Variants in PITPNM2 observed in about 807,000 individuals in gnomAD.
The protein encoded by PITPNM2 is phosphatidylinositol transfer protein membrane associated 2.
Under a neutral mutation model 132.2 loss-of-function variants are expected in PITPNM2, and 35 were observed. The observed-to-expected ratio is 0.26, with a 90% CI of 0.20 to 0.35. The LOEUF (loss-of-function observed/expected upper bound fraction) is 0.35, where lower values mean the gene tolerates loss of function less well. PITPNM2 is among the 10% of genes least tolerant of loss of function. PITPNM2 has a pLI of 1.00. For synonymous variants in PITPNM2, 738 were observed against 799.2 expected (o/e 0.92, Z 1.29); for missense variants, 1,332 against 1,912.0 (o/e 0.70, Z 5.66).
intron 3 of PITPNM2, among the ~76,000 whole-genome samples, chr12:123,014,658 C>T (rs1416060859): frequency 2.0e-5 from 3 of 152,272 alleles, no homozygotes; most frequent in South Asian, 2.1e-4. Context: ...GCTGAGATCA[C>T]GCCTCTGCAC....
chr12:123,119,035 T>C (rs2042983645), intron 1 of PITPNM2, among the ~76,000 whole-genome samples: 1 of 152,176 alleles, frequency 6.6e-6, no homozygotes, highest in Non-Finnish European at 1.5e-5. Flanking sequence ...GGGGCAGAGA[T>C]CTCCAGCTCC....
In PITPNM2 at chr12:123,008,290, G is replaced by A. The variant is rs2039026756; in HGVS notation, c.643+1560C>T. The stretch of plus-strand genomic sequence containing the variant: ...CCAAGCAGACCCACAGAGCCAGAGT[G>A]CCAGGAGCTGCAGCCTTAGTAGGTC... On this transcript the variant is annotated intron_variant, in intron 6 of 25. Transcript: ENST00000320201. The surrounding 1 kb of genome is among the most constrained non-coding windows in gnomAD (Gnocchi z 4.1). Among the ~76,000 whole-genome samples, 1 of 152,220 alleles carries A rather than the reference G, an allele frequency of 6.6e-6. No individual in the cohort carries two copies. The highest frequency in any genetic ancestry group is 2.1e-4 in the South Asian group (1 of 4,834).
At chr12:123,112,543 T>C (rs2042859618) in intron 1 of PITPNM2, among the ~76,000 whole-genome samples, 1 of 151,074 alleles carries the variant, frequency 6.6e-6, no homozygotes, top group Non-Finnish European at 1.5e-5. Context: ...ATATACTTTT[T>C]TTTTTTTTTT....
At chr12:123,046,132 T>G (rs2040647019) in intron 2 of PITPNM2, among the ~76,000 whole-genome samples, 1 of 152,110 alleles carries the variant, frequency 6.6e-6, no homozygotes, top group African/African-American at 2.4e-5. Flanking sequence ...CCCCTCATCC[T>G]TCATGCATCC....
At position 123,083,462 on chromosome 12, in the gene PITPNM2, G is replaced by T; in HGVS notation, c.-96+26923C>A. The T allele has an allele frequency of 6.6e-6, 1 of 152,334 alleles. No individual in the cohort carries two copies. The allele number at this position is 152,334 out of a possible 1,614,324, so 9.4% of individuals were successfully genotyped here. A position where few individuals can be genotyped will look rare whatever the true frequency, so the allele number is the denominator to read the frequency against. ...AGACTAACTCCTGGTCCCACCCTAC[G>T]GCTTTGGAACTGAAGCCACAGGCCT... On this transcript the variant is annotated intron_variant, in intron 2 of 25. Coordinates refer to ENST00000320201, the MANE Select transcript of PITPNM2 (RefSeq NM_020845.3). The surrounding 1 kb of genome is among the most constrained non-coding windows in gnomAD (Gnocchi z 4.5).
chr12:123,116,743 A>C (rs1172307223), intron 1 of PITPNM2, among the ~76,000 whole-genome samples: 3 of 151,888 alleles, frequency 2.0e-5, no homozygotes, highest in Non-Finnish European at 2.9e-5. Context: ...GGGAAGCTGA[A>C]GCCAGGTAAG....
intron 1 of PITPNM2, among the ~76,000 whole-genome samples, chr12:123,128,372 G>A (rs1593030360): frequency 6.8e-6 from 1 of 146,442 alleles, no homozygotes; most frequent in East Asian, 2.0e-4. Flanking sequence ...AGCACAGGAG[G>A]TGGAGGTTGC....
At position 123,005,614 on chromosome 12, in the gene PITPNM2, G is replaced by C; in HGVS notation, c.644-66C>G. On this transcript the variant is annotated intron_variant, in intron 6 of 25. Transcript: ENST00000320201. The surrounding 1 kb of genome is among the most constrained non-coding windows in gnomAD (Gnocchi z 6.2). ...GGAGGTCAGCGCAGGAGCCTGCACG[G>C]AAGTGTGGGGCCCAGGCAGGGGCTT... The C allele has an allele frequency of 6.7e-7, 1 of 1,499,630 alleles. No homozygotes were observed. The highest frequency in any genetic ancestry group is 9.1e-7 in the Non-Finnish European group (1 of 1,104,542). 92.9% of individuals were successfully genotyped at this position (1,499,630 alleles called of 1,614,324 possible). A position where few individuals can be genotyped will look rare whatever the true frequency, so the allele number is the denominator to read the frequency against.
chr12:122,986,399 GC>G, intron 25 of PITPNM2, 36 bp downstream of exon 25: 1 of 1,565,204 alleles, frequency 6.4e-7, no homozygotes, highest in Non-Finnish European at 8.7e-7. Context: ...TCCCCGAGCT[GC>G]CCGCCTGCAC....
chr12:123,029,472 G>C (rs2039991804), intron 3 of PITPNM2, among the ~76,000 whole-genome samples: 1 of 152,218 alleles, frequency 6.6e-6, no homozygotes, highest in Non-Finnish European at 1.5e-5. Flanking sequence ...TGTAATCCCA[G>C]CTACTGGGGA....
Position 123,106,915 on chromosome 12 carries a change from A to G in PITPNM2, c.-96+3470T>C, listed in dbSNP as rs1348119213. On this transcript the variant is annotated intron_variant, in intron 2 of 25. Transcript: ENST00000320201. The surrounding 1 kb of genome is among the most constrained non-coding windows in gnomAD (Gnocchi z 4.4). ...CAGGCCTGCATTCCCATGTGGGACT[A>G]GGGCTGCCTGAGAGGAGGGACTAGG... Among the ~76,000 whole-genome samples, 4 of 152,370 alleles carry G rather than the reference A, an allele frequency of 2.6e-5. No homozygotes were observed. Among genetic ancestry groups the G allele is most frequent in the East Asian group, 3.9e-4 (2 of 5,192 alleles).
intron 2 of PITPNM2, among the ~76,000 whole-genome samples, chr12:123,063,908 AC>A (rs1444196105): frequency 1.3e-5 from 2 of 152,282 alleles, no homozygotes; most frequent in East Asian, 3.9e-4. Context: ...CTAGTCCAAT[AC>A]CACACACACC....
Position 122,987,373 on chromosome 12 carries a change from G to A in PITPNM2, c.3321C>T (p.Phe1107=), listed in dbSNP as rs147908575. ...YITVLPKGTE[F]VVFSIDGSFA... is the part of the protein sequence containing the mutation. The stretch of plus-strand genomic sequence containing the variant: ...AGGAACCGTCGATGCTGAAGACCAC[G>A]AACTCTGTGCCCTTGGGCAGCACGG... Residue 1107 remains phenylalanine, a synonymous_variant, in exon 23 of 26, where the codon TTC becomes TTT. Coordinates refer to ENST00000320201, the MANE Select transcript of PITPNM2 (RefSeq NM_020845.3). The A allele has an allele frequency of 1.2e-5, 20 of 1,613,552 alleles. No homozygotes were observed. Among genetic ancestry groups the A allele is most frequent in the African/African-American group, 9.3e-5 (7 of 74,938 alleles).
intron 10 of PITPNM2, among the ~76,000 whole-genome samples, chr12:122,998,256 C>T (rs73411027): frequency 0.043 from 6,564 of 152,280 alleles, 464 homozygotes; most frequent in African/African-American, 0.15. Context: ...AGCCCCAGCA[C>T]CTTAGAGAGG....
At chr12:122,987,945 C>G (rs1438252978) in intron 20 of PITPNM2, 44 bp from the exon 21 acceptor site, 1 of 1,538,104 alleles carries the variant, frequency 6.5e-7, no homozygotes, top group African/African-American at 1.4e-5. Flanking sequence ...TCGGAGGGCA[C>G]CCCGGGTCCC....
At chr12:123,074,159 G>A (rs931672003) in intron 2 of PITPNM2, among the ~76,000 whole-genome samples, 1 of 152,232 alleles carries the variant, frequency 6.6e-6, no homozygotes, top group Non-Finnish European at 1.5e-5. Context: ...TCAACCCTCC[G>A]AGACTCGGTC....
intron 2 of PITPNM2, among the ~76,000 whole-genome samples, chr12:123,068,916 AG>A (rs1386528037): frequency 6.6e-6 from 1 of 152,208 alleles, no homozygotes; most frequent in African/African-American, 2.4e-5. Flanking sequence ...ACTGAAGTAC[AG>A]GGATGAGCTG....
At position 122,995,586 on chromosome 12, in the gene PITPNM2, G is replaced by A. The variant is rs773167733; in HGVS notation, c.1857C>T (p.Gly619=). The change falls in exon 14 of 26, where the codon GGC becomes GGT. Residue 619 remains glycine (G), a synonymous_variant. Transcript: ENST00000320201. ...CACCACCACCACTGCTGCCACCACC[G>A]CCACCGCCGCCACCGCCACCACCGC... ...HCCGGGGGGG[G]GGGSSGGGGS... 10 of 1,590,202 alleles carry A rather than the reference G, an allele frequency of 6.3e-6. No individual in the cohort carries two copies. The highest frequency in any genetic ancestry group is 1.7e-4 in the Middle Eastern group (1 of 6,054).
At chr12:123,102,229 G>A (rs1384569490) in intron 2 of PITPNM2, among the ~76,000 whole-genome samples, 2 of 152,232 alleles carry the variant, frequency 1.3e-5, no homozygotes, top group African/African-American at 4.8e-5. Flanking sequence ...AACATGTGCT[G>A]TGGGGGAAGA....
Sources: gnomAD v4.1 joint callset for allele counts (sites outside exome capture counted in the v4.1 genomes callset) on GRCh38, gnomAD v4.1.1 for gene constraint, Gnocchi (gnomAD v3.1) non-coding constraint, MANE v1.5 for transcripts, NCBI Gene and HGNC (gene_info 2026-07-23, HGNC 2026-07-21) for gene names.